SGMS2: variants seen among roughly 807,000 people sequenced by gnomAD.
SGMS2 encodes the protein sphingomyelin synthase 2.
SGMS2 carries 21 observed loss-of-function variants against 43.8 expected under a neutral mutation model. That is an observed-to-expected ratio of 0.48 (90% CI 0.34 to 0.69). The LOEUF (loss-of-function observed/expected upper bound fraction) is 0.69, where lower values mean the gene tolerates loss of function less well. SGMS2 is among the 30% of genes least tolerant of loss of function. The pLI, the probability that SGMS2 is intolerant of heterozygous loss-of-function variation, is 0.01. For missense variants in SGMS2, 384 were observed against 443.2 expected (o/e 0.87, Z 1.20); for synonymous variants, 167 against 160.6 (o/e 1.04, Z -0.30).
At chr4:107,887,169 G>C (rs1448197526) in intron 2 of SGMS2, among the ~76,000 whole-genome samples, 1 of 152,146 alleles carries the variant, frequency 6.6e-6, no homozygotes, top group African/African-American at 2.4e-5. Context: ...AGTCCTGAAA[G>C]TTTTTCCTCT....
At chr4:107,906,165 G>A (rs1731550255) in intron 5 of SGMS2, among the ~76,000 whole-genome samples, 1 of 152,120 alleles carries the variant, frequency 6.6e-6, no homozygotes, top group Admixed American at 6.6e-5. Flanking sequence ...TGAAAAGTCT[G>A]CTTCTAGAAT....
At chr4:107,877,248 C>G (rs1728977507) in intron 2 of SGMS2, among the ~76,000 whole-genome samples, 1 of 152,118 alleles carries the variant, frequency 6.6e-6, no homozygotes, top group African/African-American at 2.4e-5. Context: ...TTTACTGCAG[C>G]CTGGATGTCA....
At chr4:107,830,732 T>C (rs1206149712) in intron 1 of SGMS2, among the ~76,000 whole-genome samples, 1 of 152,122 alleles carries the variant, frequency 6.6e-6, no homozygotes, top group Non-Finnish European at 1.5e-5. Context: ...TGTTGGTTTT[T>C]TTTGCTTGTA....
At position 107,910,373 on chromosome 4, in the gene SGMS2, T is replaced by G. The variant is rs766686790; in HGVS notation, c.918T>G (p.Thr306=). The part of the protein sequence containing the change: ...NEKNLKVSSQ[T]NFLSRAWWFP... ...AGAACTTGAAGGTCTCTTCACAGAC[T>G]AATTTCTTATCTCGAGCATGGTGGT... Residue 306 remains threonine (T), a synonymous_variant, in exon 7 of 7, where the codon ACT becomes ACG. Coordinates refer to ENST00000690982, the MANE Select transcript of SGMS2 (RefSeq NM_001375905.1). 6 of 1,614,016 alleles carry G rather than the reference T, an allele frequency of 3.7e-6. No homozygotes were observed. In the South Asian group the frequency reaches 6.6e-5, roughly 18 times the overall value.
At chr4:107,826,326 G>A (rs761478822) in intron 1 of SGMS2, among the ~76,000 whole-genome samples, 4 of 152,180 alleles carry the variant, frequency 2.6e-5, no homozygotes, top group Non-Finnish European at 5.9e-5. Flanking sequence ...CTGGTGGGCC[G>A]AGGGTTAGCA....
intron 2 of SGMS2, chr4:107,873,449 A>G (rs1372061549): frequency 6.6e-6 from 1 of 152,144 alleles, no homozygotes; most frequent in African/African-American, 2.4e-5. Flanking sequence ...ACTTGCCTTC[A>G]TATACATACG....
At chr4:107,845,898 TG>T (rs1726780624) in intron 1 of SGMS2, among the ~76,000 whole-genome samples, 1 of 152,154 alleles carries the variant, frequency 6.6e-6, no homozygotes, top group South Asian at 2.1e-4. Flanking sequence ...GAGGCAGCAA[TG>T]GAGTTACAGA....
chr4:107,894,975 T>C (rs1346768635), intron 2 of SGMS2, among the ~76,000 whole-genome samples: 1 of 152,204 alleles, frequency 6.6e-6, no homozygotes, highest in Non-Finnish European at 1.5e-5. Context: ...TTCTAGCTTA[T>C]TATGACTTCA....
At chr4:107,840,307 A>G (rs7664374) in intron 1 of SGMS2, among the ~76,000 whole-genome samples, 6,160 of 152,268 alleles carry the variant, frequency 0.04, 425 homozygotes, top group African/African-American at 0.14. Context: ...CACTGTAGTA[A>G]TGCCTGACTT....
chr4:107,891,506 G>C (rs1730214442), intron 2 of SGMS2, among the ~76,000 whole-genome samples: 1 of 151,910 alleles, frequency 6.6e-6, no homozygotes, highest in South Asian at 2.1e-4. Flanking sequence ...TTGTTGTCTG[G>C]GGTGATACCT....
At position 107,877,895 on chromosome 4, in the gene SGMS2, TTTCTTTC is replaced by T. The variant is rs1210840472; in HGVS notation, c.-244-17412_-244-17406del. 1.3e-4 allele frequency among the ~76,000 whole-genome samples: 20 copies of T among 148,476 alleles called. No individual in the cohort carries two copies. In the Admixed American group the frequency reaches 1.4e-3, roughly 10 times the overall value. On this transcript the variant is annotated intron_variant, in intron 2 of 6. Coordinates refer to ENST00000690982, the MANE Select transcript of SGMS2 (RefSeq NM_001375905.1). Reference sequence around the variant, plus strand: ...TAGAAAATTTCCACCTCACTCTTTCTTTCTTTCTTTTTCTTTTCTTTTTTTTTTTTTT... The same window carrying T: ...TAGAAAATTTCCACCTCACTCTTTCTTTTTTCTTTTCTTTTTTTTTTTTTT...
At chr4:107,847,431 C>T (rs374543017) in intron 1 of SGMS2, among the ~76,000 whole-genome samples, 38 of 151,622 alleles carry the variant, frequency 2.5e-4, no homozygotes, top group Admixed American at 1.1e-3. Flanking sequence ...TGTAGATATG[C>T]GGCGTTATTT....
intron 1 of SGMS2, among the ~76,000 whole-genome samples, chr4:107,832,606 C>G (rs1725951621): frequency 6.6e-6 from 1 of 152,124 alleles, no homozygotes; most frequent in Non-Finnish European, 1.5e-5. Context: ...AGTTTGGGCC[C>G]TATTTGTGTC....
At chr4:107,879,706 C>T (rs946920149) in intron 2 of SGMS2, among the ~76,000 whole-genome samples, 4 of 152,158 alleles carry the variant, frequency 2.6e-5, no homozygotes, top group African/African-American at 9.7e-5. Flanking sequence ...AAGTGATCCA[C>T]CTGCCTCAGC....
intron 5 of SGMS2, chr4:107,907,470 G>C (rs1252351536): frequency 6.6e-6 from 1 of 152,128 alleles, no homozygotes; most frequent in Admixed American, 6.6e-5. Flanking sequence ...AATTAGCCAG[G>C]CATAATGGCG....
Position 107,895,712 on chromosome 4 carries a change from C to T in SGMS2, c.159C>T (p.Thr53=), listed in dbSNP as rs368061054. Residue 53 remains threonine (T), a synonymous_variant, in exon 3 of 7, where the codon ACC becomes ACT. Transcript: ENST00000690982. ...TATCCAGTGGGCTGCGAAAAGGCACCAAAAAGTACCCGGACTATATCCAAA... is the reference window on the plus strand; with the variant it reads ...TATCCAGTGGGCTGCGAAAAGGCACTAAAAAGTACCCGGACTATATCCAAA... ...KSLSSGLRKG[T]KKYPDYIQIA... 2.7e-5 allele frequency: 43 copies of T among 1,613,786 alleles called. No homozygotes were observed. The highest frequency in any genetic ancestry group is 3.3e-4 in the Middle Eastern group (2 of 6,078).
At chr4:107,880,417 G>A (rs545007922) in intron 2 of SGMS2, among the ~76,000 whole-genome samples, 1 of 152,102 alleles carries the variant, frequency 6.6e-6, no homozygotes, top group South Asian at 2.1e-4. Flanking sequence ...GAACTTGTTA[G>A]TAAAAATACT....
Position 107,899,762 on chromosome 4 carries a change from A to G in SGMS2, c.573+70A>G, listed in dbSNP as rs938780440. On this transcript the variant is annotated intron_variant, in intron 4 of 6. Coordinates refer to ENST00000690982, the MANE Select transcript of SGMS2 (RefSeq NM_001375905.1). ...TTATTGATCACTTACCCTGTATTAT[A>G]CATTCTTCTAGACACTTCCCTATGT... The G allele has an allele frequency of 2.9e-5, 30 of 1,026,192 alleles. No individual in the cohort carries two copies. In the East Asian group the frequency reaches 7.2e-4, roughly 25 times the overall value. The allele number at this position is 1,026,192 out of a possible 1,614,324, so 63.6% of individuals were successfully genotyped here. A position where few individuals can be genotyped will look rare whatever the true frequency, so the allele number is the denominator to read the frequency against.
chr4:107,845,391 G>T lies in SGMS2; in HGVS notation c.-326-13081G>T, dbSNP rs183395918. On this transcript the variant is annotated intron_variant, in intron 1 of 6. Coordinates refer to ENST00000690982, the MANE Select transcript of SGMS2 (RefSeq NM_001375905.1). ...GCCATTTAGTGAAAACAGGGTTACT[G>T]AGAAGCATTGTGAGGTGTGCTCTGC... Among the ~76,000 whole-genome samples the T allele has an allele frequency of 4.6e-5, 7 of 152,350 alleles. No homozygotes were observed. In the East Asian group the frequency reaches 1.3e-3, roughly 29 times the overall value.
Sources: allele counts gnomAD v4.1 joint callset (sites outside exome capture counted in the v4.1 genomes callset), GRCh38; gene constraint gnomAD v4.1.1; transcripts MANE v1.5; gene names NCBI Gene and HGNC (gene_info 2026-07-23, HGNC 2026-07-21).